Variants in ZNF730 observed in about 807,000 individuals in gnomAD.
The protein encoded by ZNF730 is zinc finger protein 730.
In ZNF730, 12 loss-of-function variants were observed where a neutral mutation model predicts 12.6. The ratio of observed to expected loss-of-function variants is 0.95; its 90% CI spans 0.61 to 1.54. ZNF730 has a LOEUF of 1.54. Ranked by LOEUF, ZNF730 falls within the 40% of genes most tolerant of loss-of-function variation. The pLI is 0.00. For synonymous variants in ZNF730, 194 were observed against 195.8 expected (o/e 0.99, Z 0.08); for missense variants, 643 against 583.5 (o/e 1.10, Z -1.05).
chr19:23,076,088 A>G (rs1969854234), intron 1 of ZNF730, among the ~76,000 whole-genome samples: 1 of 152,094 alleles, frequency 6.6e-6, no homozygotes. Flanking sequence ...AGCCTAACTC[A>G]GGCTTGCAGT....
upstream of ZNF730, among the ~76,000 whole-genome samples, chr19:23,115,110 TAAAC>T (rs1028413467): frequency 5.5e-5 from 8 of 146,092 alleles, no homozygotes; most frequent in Admixed American, 4.3e-4. Flanking sequence ...TTTCCAATAA[TAAAC>T]AGTACTATGT....
Position 23,146,812 on chromosome 19 carries a change from G to A in ZNF730, c.*256G>A. 2.3e-6 allele frequency: 2 copies of A among 880,158 alleles called. No homozygotes were observed. The highest frequency in any genetic ancestry group is 3.8e-6 in the Non-Finnish European group (2 of 521,028). 54.5% of individuals were successfully genotyped at this position (880,158 alleles called of 1,614,324 possible). A position where few individuals can be genotyped will look rare whatever the true frequency, so the allele number is the denominator to read the frequency against. On this transcript the variant is annotated 3_prime_UTR_variant, in exon 4 of 4. Coordinates refer to ENST00000597761, the MANE Select transcript of ZNF730 (RefSeq NM_001277403.2). ...CATACTGGAGAGAAACCCTACAAGTGTGAAGAATGTGACAAAGCCTTTAAC... is the reference window on the plus strand; with the variant it reads ...CATACTGGAGAGAAACCCTACAAGTATGAAGAATGTGACAAAGCCTTTAAC...
chr19:23,145,044 A>G (rs1435677455), intron 3 of ZNF730, among the ~76,000 whole-genome samples: 1 of 152,154 alleles, frequency 6.6e-6, no homozygotes, highest in African/African-American at 2.4e-5. Flanking sequence ...TTTTTCCTCT[A>G]TATAGCTCTT....
chr19:23,078,870 T>C (rs1969913676), intron 1 of ZNF730, among the ~76,000 whole-genome samples: 1 of 152,084 alleles, frequency 6.6e-6, no homozygotes, highest in African/African-American at 2.4e-5. Flanking sequence ...AGTGGCACAA[T>C]CTCGGCTCAC....
At chr19:23,110,217 C>T (rs1216066458) in intron 1 of ZNF730, among the ~76,000 whole-genome samples, 5 of 129,530 alleles carry the variant, frequency 3.9e-5, no homozygotes, top group South Asian at 2.7e-4. Context: ...GTGATCCACC[C>T]GCCTTGGCCT....
intron 3 of ZNF730, among the ~76,000 whole-genome samples, chr19:23,137,769 T>G (rs1970854316): frequency 6.6e-6 from 1 of 152,234 alleles, no homozygotes; most frequent in Non-Finnish European, 1.5e-5. Context: ...TCTGGGCTTA[T>G]AGTGGAGAGG....
intron 1 of ZNF730, among the ~76,000 whole-genome samples, chr19:23,100,630 CTTTTTTTT>C (rs201462781): frequency 3.4e-5 from 4 of 118,570 alleles, no homozygotes; most frequent in African/African-American, 1.2e-4. Flanking sequence ...GATGGTGATT[CTTTTTTTT>C]TTTTTTTTTT....
In ZNF730 at chr19:23,146,069, G is replaced by A; in HGVS notation, c.1025G>A (p.Cys342Tyr). The change falls in exon 4 of 4, where the codon TGT (cysteine) becomes TAT (tyrosine). Residue 342 changes from cysteine (C) to tyrosine (Y), a missense_variant. Cys to Tyr is a radical substitution (Grantham distance 194, BLOSUM62 -2). Transcript: ENST00000597761. ...RIHNGEKPYKCEECGKAFNRS... is the reference protein window; with the variant it reads ...RIHNGEKPYKYEECGKAFNRS... Reference sequence around the variant, plus strand: ...CATAATGGAGAAAAACCCTACAAATGTGAAGAATGTGGCAAAGCTTTTAAC... The same window carrying A: ...CATAATGGAGAAAAACCCTACAAATATGAAGAATGTGGCAAAGCTTTTAAC... 1 of 1,612,332 alleles carries A rather than the reference G, an allele frequency of 6.2e-7. No homozygotes were observed.
At chr19:23,089,022 G>T (rs1970112407) in intron 1 of ZNF730, among the ~76,000 whole-genome samples, 1 of 151,662 alleles carries the variant, frequency 6.6e-6, no homozygotes, top group Non-Finnish European at 1.5e-5. Context: ...ACAGGCATGT[G>T]CCACCTTGCC....
chr19:23,117,099 G>T lies in ZNF730; in HGVS notation c.-75G>T, dbSNP rs1970538705. On this transcript the variant is annotated 5_prime_UTR_variant, in exon 1 of 4. Coordinates refer to ENST00000597761, the MANE Select transcript of ZNF730 (RefSeq NM_001277403.2). ...TGTGTCCTCTGCACGTAGAAGCCCA[G>T]CCTGTGTGGCCCTGCGACCTGCGGG... is the stretch of plus-strand genomic sequence containing the variant. The T allele has an allele frequency of 6.2e-7, 1 of 1,609,914 alleles. No homozygotes were observed. The highest frequency in any genetic ancestry group is 1.1e-5 in the South Asian group (1 of 91,000).
chr19:23,080,505 G>T (rs1260232354), intron 1 of ZNF730, among the ~76,000 whole-genome samples: 1 of 151,840 alleles, frequency 6.6e-6, no homozygotes, highest in Non-Finnish European at 1.5e-5. Flanking sequence ...CTTCTGAGTA[G>T]CTGGGATTAT....
chr19:23,130,541 T>C (rs775832165), intron 1 of ZNF730, among the ~76,000 whole-genome samples: 11 of 152,238 alleles, frequency 7.2e-5, no homozygotes, highest in African/African-American at 9.6e-5. Context: ...CTTTATATTG[T>C]TGTGACTTTT....
intron 1 of ZNF730, among the ~76,000 whole-genome samples, chr19:23,105,760 C>G (rs2145554991): frequency 6.6e-6 from 1 of 152,286 alleles, no homozygotes; most frequent in South Asian, 2.1e-4. Context: ...GTATTGCTAA[C>G]TTTATTTTCA....
intron 1 of ZNF730, among the ~76,000 whole-genome samples, chr19:23,083,067 G>C (rs1010371566): frequency 6.6e-6 from 1 of 152,058 alleles, no homozygotes; most frequent in Non-Finnish European, 1.5e-5. Flanking sequence ...TTTATAAATA[G>C]TGCTGCAATA....
chr19:23,084,538 G>A (rs1970024608), intron 1 of ZNF730, among the ~76,000 whole-genome samples: 1 of 152,120 alleles, frequency 6.6e-6, no homozygotes, highest in Non-Finnish European at 1.5e-5. Context: ...TGGTAAACAT[G>A]TGTCATATGG....
chr19:23,119,748 C>T (rs867065624), intron 1 of ZNF730, among the ~76,000 whole-genome samples: 5 of 152,190 alleles, frequency 3.3e-5, no homozygotes, highest in Middle Eastern at 3.4e-3. Context: ...ACCTAGGAGG[C>T]AGAGGTTGCA....
rs1263396316 is a variant in ZNF730 at position 23,138,139 on chromosome 19, C to T, written c.226+2096C>T. 1.1e-4 allele frequency among the ~76,000 whole-genome samples: 7 copies of T among 62,446 alleles called. 2 individuals carry two copies. Among genetic ancestry groups the T allele is most frequent in the African/African-American group, 1.7e-4 (4 of 23,396 alleles). 41.0% of individuals were successfully genotyped at this position (62,446 alleles called of 152,430 possible). A position where few individuals can be genotyped will look rare whatever the true frequency, so the allele number is the denominator to read the frequency against. ...TCTACTAAAAATACAAAAAATTAGC[C>T]GGGCGTGGTGGCGGGCGCCTGTAGT... On this transcript the variant is annotated intron_variant, in intron 3 of 3. Coordinates refer to ENST00000597761, the MANE Select transcript of ZNF730 (RefSeq NM_001277403.2).
chr19:23,084,512 T>C (rs1328523844), intron 1 of ZNF730, among the ~76,000 whole-genome samples: 2 of 152,186 alleles, frequency 1.3e-5, no homozygotes, highest in African/African-American at 4.8e-5. Context: ...GGGGTACAAG[T>C]GTACGTTTGT....
intron 3 of ZNF730, 29 bp from the exon 4 acceptor site, chr19:23,145,242 C>T: frequency 7.1e-7 from 1 of 1,409,142 alleles, no homozygotes; most frequent in Non-Finnish European, 9.4e-7. Flanking sequence ...CTAGTACATG[C>T]AGTAATTTGT....
Sources: allele counts gnomAD v4.1 joint callset (sites outside exome capture counted in the v4.1 genomes callset), GRCh38; gene constraint gnomAD v4.1.1; transcripts MANE v1.5; gene names NCBI Gene and HGNC (gene_info 2026-07-23, HGNC 2026-07-21).